The following ABCB1 variants were observed in gnomAD, a reference collection of about 807,000 sequenced individuals.
ABCB1 encodes the protein ATP binding cassette subfamily B member 1, also known as ATP-dependent translocase ABCB1.
ABCB1 carries 69 observed loss-of-function variants against 142.0 expected under a neutral mutation model. The ratio of observed to expected loss-of-function variants is 0.49; its 90% confidence interval spans 0.40 to 0.59. ABCB1 has a LOEUF of 0.59. ABCB1 is among the 20% of genes least tolerant of loss of function. ABCB1 has a pLI of 0.00. For missense variants in ABCB1, 1,326 were observed against 1,554.7 expected (o/e 0.85, Z 2.47); for synonymous variants, 532 against 539.2 (o/e 0.99, Z 0.18).
intron 26 of ABCB1, among the ~76,000 whole-genome samples, chr7:87,508,335 A>G (rs1259647458): frequency 1.3e-5 from 2 of 152,212 alleles, no homozygotes; most frequent in Non-Finnish European, 2.9e-5. Context: ...GTTATTAAAA[A>G]TTTGTATAAA....
chr7:87,560,741 C>A (rs1193210303), intron 8 of ABCB1, among the ~76,000 whole-genome samples: 1 of 152,192 alleles, frequency 6.6e-6, no homozygotes, highest in Non-Finnish European at 1.5e-5. Flanking sequence ...AAATTACCAT[C>A]TATGCTTTCA....
At position 87,544,982 on chromosome 7, in the gene ABCB1, A is replaced by G; in HGVS notation, c.1905T>C (p.Val635=). ...ATTCATCAGCTGCATTTTCTAATTC[A>G]ACTTCATTTCCTGCTGTCTAAAATA... ...LVTMQTAGNE[V]ELENAADESK... Residue 635 remains valine, a synonymous_variant, in exon 16 of 28, where the codon GTT becomes GTC. Coordinates refer to ENST00000622132, the MANE Select transcript of ABCB1 (RefSeq NM_001348946.2). The G allele has an allele frequency of 6.2e-7, 1 of 1,613,992 alleles. No homozygotes were observed. The highest frequency in any genetic ancestry group is 8.5e-7 in the Non-Finnish European group (1 of 1,179,976).
rs1014207158 is a variant in ABCB1, at chr7:87,509,436, G to A, written c.3328C>T (p.Arg1110Ter). 3 of 1,614,132 alleles carry A rather than the reference G, an allele frequency of 1.9e-6. No individual in the cohort carries two copies. The highest frequency in any genetic ancestry group is 1.7e-6 in the Non-Finnish European group (2 of 1,180,026). Residue 1110 changes from arginine (R) to a stop codon, truncating the protein, a stop_gained, in exon 26 of 28, where the codon CGA becomes TGA. Coordinates refer to ENST00000622132, the MANE Select transcript of ABCB1 (RefSeq NM_001348946.2). LOFTEE classifies it high-confidence loss of function. ...EIKRLNVQWLRAHLGIVSQEP... is the reference protein window; with the variant it reads ...EIKRLNVQWL ...TGGGACACGATGCCCAGGTGTGCTC[G>A]GAGCCACTGAACATTCAGTCGCTTT...
At chr7:87,583,557 A>T (rs979662511) in intron 4 of ABCB1, among the ~76,000 whole-genome samples, 2 of 152,186 alleles carry the variant, frequency 1.3e-5, no homozygotes, top group Admixed American at 6.5e-5. Context: ...TGGAAATCTA[A>T]ATTACCAGCT....
chr7:87,670,313 C>G (rs138825663), intron 1 of ABCB1, among the ~76,000 whole-genome samples: 10 of 152,322 alleles, frequency 6.6e-5, no homozygotes, highest in African/African-American at 2.2e-4. Context: ...TGTTATTCAG[C>G]TCTGTCAGAC....
intron 1 of ABCB1, among the ~76,000 whole-genome samples, chr7:87,660,171 G>T (rs926795327): frequency 3.9e-5 from 6 of 152,022 alleles, no homozygotes; most frequent in African/African-American, 1.4e-4. Flanking sequence ...CGTAAGTTTG[G>T]AATCATGGTC....
Position 87,543,740 on chromosome 7 carries a change from G to A in ABCB1, c.2211+389C>T, listed in dbSNP as rs576964085. On this transcript the variant is annotated intron_variant, in intron 17 of 27. Transcript: ENST00000622132. ...TACTCACATCCTGGAAAGTATGTAT[G>A]TTAGAGAACAGTGCATTCTCAAGCC... Among the ~76,000 whole-genome samples the A allele has an allele frequency of 2.0e-5, 3 of 152,320 alleles. No individual in the cohort carries two copies. The South Asian group carries it at 6.2e-4, about 32-fold the overall frequency.
intron 1 of ABCB1, among the ~76,000 whole-genome samples, chr7:87,629,940 T>A (rs938030724): frequency 6.6e-6 from 1 of 151,310 alleles, no homozygotes; most frequent in African/African-American, 2.4e-5. Context: ...AAAAAAGAAC[T>A]ATTTATAGTA....
At chr7:87,696,718 T>C (rs1323898911) in intron 1 of ABCB1, among the ~76,000 whole-genome samples, 1 of 152,096 alleles carries the variant, frequency 6.6e-6, no homozygotes, top group African/African-American at 2.4e-5. Flanking sequence ...CACATCTAAT[T>C]TGTAGAGCAG....
intron 1 of ABCB1, among the ~76,000 whole-genome samples, chr7:87,705,421 A>C (rs1829496795): frequency 6.6e-6 from 1 of 152,180 alleles, no homozygotes; most frequent in East Asian, 1.9e-4. Flanking sequence ...GCGAGACTCC[A>C]TCTAAGAAAA....
At chr7:87,534,240 C>T (rs1442328777) in intron 20 of ABCB1, among the ~76,000 whole-genome samples, 2 of 152,180 alleles carry the variant, frequency 1.3e-5, no homozygotes, top group Non-Finnish European at 2.9e-5. Context: ...GTGTCTTCCA[C>T]GTCAAATGTG....
At chr7:87,616,802 C>A (rs1820045520) in intron 1 of ABCB1, among the ~76,000 whole-genome samples, 2 of 152,192 alleles carry the variant, frequency 1.3e-5, no homozygotes, top group South Asian at 2.1e-4. Context: ...TTTGTATATG[C>A]TCTTCCCTTG....
rs757736438 is a variant in ABCB1 at position 87,515,279 on chromosome 7, T to C, written c.3234A>G (p.Thr1078=). 3.7e-5 allele frequency: 59 copies of C among 1,614,058 alleles called. 2 individuals are homozygous for C. The South Asian group carries it at 6.4e-4, about 17-fold the overall frequency. Residue 1078 remains threonine, a synonymous_variant, in exon 25 of 28, where the codon ACA becomes ACG. Coordinates refer to ENST00000622132, the MANE Select transcript of ABCB1 (RefSeq NM_001348946.2). ...AGAACCGCTCCAGGAGCTGGACCAC[T>C]GTGCTCTTCCCACAGCCACTGCTGC... ...LVGSSGCGKS[T]VVQLLERFYD...
Position 87,545,943 on chromosome 7 carries a change from C to G in ABCB1, c.1807G>C (p.Asp603His), listed in dbSNP as rs746054969. ...RNADVIAGFD[D>H]GVIVEKGNHD... ...TTTCCTTTCTCCACAATGACTCCAT[C>G]ATCGAAACCAGCGATGACGTCAGCA... The change falls in exon 15 of 28, where the codon GAT (aspartate) becomes CAT (histidine). Residue 603 changes from aspartate (D) to histidine (H), a missense_variant. Asp to His is a moderately conservative substitution (Grantham distance 81, BLOSUM62 -1). Coordinates refer to ENST00000622132, the MANE Select transcript of ABCB1 (RefSeq NM_001348946.2). 1.9e-6 allele frequency: 3 copies of G among 1,614,052 alleles called. No individual in the cohort carries two copies. In the South Asian group the frequency reaches 3.3e-5, roughly 18 times the overall value.
At chr7:87,521,101 T>A in intron 21 of ABCB1, 1 of 527,736 alleles carries the variant, frequency 1.9e-6, no homozygotes, top group Non-Finnish European at 3.4e-6. Context: ...AAATAGAAGC[T>A]AAGACTTAAA....
intron 3 of ABCB1, among the ~76,000 whole-genome samples, chr7:87,588,696 C>A (rs1272364826): frequency 6.6e-6 from 1 of 152,194 alleles, no homozygotes; most frequent in Non-Finnish European, 1.5e-5. Flanking sequence ...GGTATACACC[C>A]AGTAATAGGT....
intron 1 of ABCB1, among the ~76,000 whole-genome samples, chr7:87,640,194 A>G (rs1017307226): frequency 1.2e-4 from 18 of 144,698 alleles, no homozygotes; most frequent in Admixed American, 3.4e-4. Context: ...ATATATGTGT[A>G]TATATATATA....
intron 20 of ABCB1, 123 bp downstream of exon 20, chr7:87,536,335 G>A: frequency 2.4e-6 from 2 of 840,712 alleles, no homozygotes; most frequent in Non-Finnish European, 4.1e-6. Context: ...ATATTCGTAG[G>A]TTAGATATTT....
chr7:87,651,488 TCTATAA>T (rs943381457), intron 1 of ABCB1, among the ~76,000 whole-genome samples: 3 of 152,140 alleles, frequency 2.0e-5, no homozygotes, highest in South Asian at 2.1e-4. Context: ...ATTAAAAAGA[TCTATAA>T]AATATAGTTG....
Sources: allele counts gnomAD v4.1 joint callset (sites outside exome capture counted in the v4.1 genomes callset), GRCh38; gene constraint gnomAD v4.1.1; transcripts MANE v1.5; gene names NCBI Gene and HGNC (gene_info 2026-07-23, HGNC 2026-07-21).